ZNF713: variants seen among roughly 807,000 people sequenced by gnomAD.
The protein encoded by ZNF713 is zinc finger protein 713.
In ZNF713, 21 loss-of-function variants were observed where a neutral mutation model predicts 28.7. The observed-to-expected ratio is 0.73, with a 90% CI of 0.52 to 1.05. The LOEUF (loss-of-function observed/expected upper bound fraction) is 1.05. ZNF713 is among the 50% of genes least tolerant of loss of function. ZNF713 has a pLI of 0.00. For synonymous variants in ZNF713, 167 were observed against 178.0 expected, an observed-to-expected ratio of 0.94 and a Z score of 0.49; for missense variants, 458 against 532.4, an observed-to-expected ratio of 0.86 and a Z score of 1.37.
At chr7:55,935,947 T>A (rs1324994216) in intron 6 of ZNF713, among the ~76,000 whole-genome samples, 4 of 150,730 alleles carry the variant, frequency 2.7e-5, no homozygotes, top group South Asian at 4.2e-4. Context: ...AGAGTGAGAC[T>A]CTGTCTCAAG....
chr7:55,920,905 G>A (rs960623590), intron 4 of ZNF713, among the ~76,000 whole-genome samples: 2 of 152,134 alleles, frequency 1.3e-5, no homozygotes, highest in African/African-American at 4.8e-5. Flanking sequence ...ACAGGCGTGA[G>A]CCACCATGCC....
chr7:55,892,277 C>CAAAA (rs71561974), intron 1 of ZNF713, among the ~76,000 whole-genome samples: 10 of 60,504 alleles, frequency 1.7e-4, no homozygotes, highest in African/African-American at 3.5e-4. Flanking sequence ...GACTCCATCT[C>CAAAA]AAAAAAAAAA....
intron 1 of ZNF713, among the ~76,000 whole-genome samples, chr7:55,896,601 G>GTATATATA (rs4049408): frequency 6.7e-6 from 1 of 149,302 alleles, no homozygotes; most frequent in South Asian, 2.1e-4. Flanking sequence ...GTGTGTGTGT[G>GTATATATA]TATATATATA....
chr7:55,912,842 A>G (rs1785810340), intron 4 of ZNF713, 119 bp downstream of exon 4: 1 of 742,986 alleles, frequency 1.3e-6, no homozygotes, highest in African/African-American at 1.8e-5. Flanking sequence ...GATTCATGTG[A>G]CAGATGATAT....
At chr7:55,901,357 C>T (rs1785572962) in intron 1 of ZNF713, among the ~76,000 whole-genome samples, 2 of 152,110 alleles carry the variant, frequency 1.3e-5, no homozygotes, top group Admixed American at 1.3e-4. Flanking sequence ...AGAGACCTGC[C>T]CCCATGATTC....
At chr7:55,899,443 G>A (rs1785533218) in intron 1 of ZNF713, among the ~76,000 whole-genome samples, 1 of 138,176 alleles carries the variant, frequency 7.2e-6, no homozygotes, top group African/African-American at 2.6e-5. Flanking sequence ...GGGGGGGGGG[G>A]GGGTTGATCA....
chr7:55,913,195 CTTTTTTT>C (rs66851959), intron 4 of ZNF713, among the ~76,000 whole-genome samples: 6 of 88,132 alleles, frequency 6.8e-5, no homozygotes, highest in Middle Eastern at 9.3e-3. Flanking sequence ...GTTTTGATTC[CTTTTTTT>C]TTTTTTTTTT....
Position 55,938,981 on chromosome 7 carries a change from G to C in ZNF713, c.308-1G>C. 1 of 1,563,716 alleles carries C rather than the reference G, an allele frequency of 6.4e-7. No individual in the cohort carries two copies. The highest frequency in any genetic ancestry group is 8.6e-7 in the Non-Finnish European group (1 of 1,157,192). ...ATTTGTATGTTCTGAATTTCTTTTA[G>C]ATGGAGAAAACAGACCCGAAATCAA... On this transcript the variant is annotated splice_acceptor_variant, in intron 6 of 6. Coordinates refer to ENST00000429591, the MANE Select transcript of ZNF713 (RefSeq NM_182633.3). LOFTEE classifies it high-confidence loss of function.
In ZNF713 at chr7:55,936,029, C is replaced by T. The variant is rs142568355; in HGVS notation, c.308-2953C>T. 1.3e-4 allele frequency among the ~76,000 whole-genome samples: 19 copies of T among 151,544 alleles called. No individual in the cohort carries two copies. The East Asian group carries it at 3.3e-3, about 26-fold the overall frequency. ...CTTGTAATCCCAGCACTTTTGGAGG[C>T]GGAGGCAGGTGGATCATTTGAGGTC... On this transcript the variant is annotated intron_variant, in intron 6 of 6. Coordinates refer to ENST00000429591, the MANE Select transcript of ZNF713 (RefSeq NM_182633.3).
chr7:55,897,462 T>TC (rs1584296907), intron 1 of ZNF713, among the ~76,000 whole-genome samples: 1 of 151,934 alleles, frequency 6.6e-6, no homozygotes. Context: ...TCTTTTTTTT[T>TC]CATAGTGAAG....
At chr7:55,930,264 C>A (rs1786184554) in intron 6 of ZNF713, among the ~76,000 whole-genome samples, 1 of 152,136 alleles carries the variant, frequency 6.6e-6, no homozygotes, top group South Asian at 2.1e-4. Flanking sequence ...ATTATATTTT[C>A]TTGCCTACCA....
At chr7:55,888,837 C>CA (rs1458649486) in intron 1 of ZNF713, among the ~76,000 whole-genome samples, 2 of 151,880 alleles carry the variant, frequency 1.3e-5, no homozygotes, top group Non-Finnish European at 2.9e-5. Flanking sequence ...CACTTGAGCT[C>CA]ATGAGTTCGA....
chr7:55,903,914 C>T (rs192378021), intron 1 of ZNF713, among the ~76,000 whole-genome samples: 1 of 152,230 alleles, frequency 6.6e-6, no homozygotes, highest in East Asian at 1.9e-4. Flanking sequence ...TGGCTTTCTA[C>T]TCCAACCTAA....
chr7:55,919,490 G>GTTTTTTTTGT lies in ZNF713; in HGVS notation c.88-3664_88-3663insGTTTTTTTTT, dbSNP rs1785945405. Among the ~76,000 whole-genome samples the GTTTTTTTTGT allele has an allele frequency of 2.4e-4, 16 of 66,774 alleles. 1 individual carries two copies. The highest frequency in any genetic ancestry group is 7.4e-4 in the African/African-American group (15 of 20,194). The allele number at this position is 66,774 out of a possible 152,430, so 43.8% of individuals were successfully genotyped here. ...GCTGGATAAATTGGTAAACACTCCA[G>GTTTTTTTTGT]TTTTTTTTTTTTTTTTTTTTTTTTT... On this transcript the variant is annotated intron_variant, in intron 4 of 6. Transcript: ENST00000429591.
chr7:55,892,448 C>G (rs1311553131), intron 1 of ZNF713, among the ~76,000 whole-genome samples: 1 of 149,466 alleles, frequency 6.7e-6, no homozygotes, highest in Admixed American at 6.7e-5. Flanking sequence ...TGACAGAAAA[C>G]CCTATAACAA....
intron 6 of ZNF713, among the ~76,000 whole-genome samples, chr7:55,937,021 G>A (rs191191869): frequency 2.8e-4 from 42 of 152,254 alleles, no homozygotes; most frequent in African/African-American, 9.1e-4. Flanking sequence ...TGAGTGGGCT[G>A]GGTGCGGTGG....
At position 55,923,220 on chromosome 7, in the gene ZNF713, T is replaced by C. The variant is rs1163564174; in HGVS notation, c.146T>C (p.Leu49Pro). ...TTCACCAGAGAGGAGTGGGACCAGC[T>C]GTACCCTGCCCAAAAGAACCTCTAT... ...VDFTREEWDQ[L>P]YPAQKNLYRD... Residue 49 changes from leucine (L) to proline (P), a missense_variant, in exon 5 of 7, where the codon CTG becomes CCG. Physicochemically the swap from Leu to Pro is moderately conservative, Grantham distance 98. Coordinates refer to ENST00000429591, the MANE Select transcript of ZNF713 (RefSeq NM_182633.3). The C allele has an allele frequency of 1.2e-6, 2 of 1,613,978 alleles. No individual in the cohort carries two copies. The highest frequency in any genetic ancestry group is 2.2e-5 in the East Asian group (1 of 44,864).
chr7:55,934,715 G>A (rs1036866909), intron 6 of ZNF713, among the ~76,000 whole-genome samples: 4 of 152,066 alleles, frequency 2.6e-5, no homozygotes, highest in African/African-American at 9.7e-5. Flanking sequence ...TTGTTGTCCA[G>A]GTTGATCTTG....
rs138706806 is a variant in ZNF713, at chr7:55,940,050, T to A, written c.*44T>A. The stretch of plus-strand genomic sequence containing the variant: ...AGATAAATATATAAATGTAGGAGAT[T>A]TTTTGGTCAGACCTTTTTATCCCAT... On this transcript the variant is annotated 3_prime_UTR_variant, in exon 7 of 7. Transcript: ENST00000429591. 1,333 of 1,511,258 alleles carry A rather than the reference T, an allele frequency of 8.8e-4. 11 individuals are homozygous for A. In the African/African-American group the frequency reaches 0.017, roughly 19 times the overall value. The allele number at this position is 1,511,258 out of a possible 1,614,324, so 93.6% of individuals were successfully genotyped here. A position where few individuals can be genotyped will look rare whatever the true frequency, so the allele number is the denominator to read the frequency against.
Sources: gnomAD v4.1 joint callset for allele counts (sites outside exome capture counted in the v4.1 genomes callset) on GRCh38, gnomAD v4.1.1 for gene constraint, MANE v1.5 for transcripts, NCBI Gene and HGNC (gene_info 2026-07-23, HGNC 2026-07-21) for gene names.